The following PTK2B variants were observed in gnomAD, a reference collection of about 807,000 sequenced individuals.
PTK2B encodes protein tyrosine kinase 2 beta.
Under a neutral mutation model 142.9 loss-of-function variants are expected in PTK2B, and 71 were observed. The observed-to-expected ratio is 0.50, with a 90% CI of 0.41 to 0.61. PTK2B has a LOEUF of 0.61. Among genes scored for constraint, PTK2B ranks in the 20% least tolerant of loss-of-function variants. PTK2B has a pLI of 0.00. For missense variants in PTK2B, 1,105 were observed against 1,320.4 expected (o/e 0.84, Z 2.53); for synonymous variants, 519 against 503.4 (o/e 1.03, Z -0.42).
At chr8:27,397,871 G>A (rs1285586732) in intron 2 of PTK2B, 83 bp downstream of exon 2, 2 of 855,674 alleles carry the variant, frequency 2.3e-6, no homozygotes, top group African/African-American at 1.9e-5. Context: ...CTGCAGCCTC[G>A]CAGCTCTCCC....
intron 1 of PTK2B, among the ~76,000 whole-genome samples, chr8:27,339,576 G>C (rs1804270974): frequency 6.6e-6 from 1 of 152,248 alleles, no homozygotes; most frequent in South Asian, 2.1e-4. Context: ...CATGGGCACA[G>C]AGACATGGGC....
intron 21 of PTK2B, among the ~76,000 whole-genome samples, chr8:27,440,782 C>T (rs908432083): frequency 6.6e-6 from 1 of 152,210 alleles, no homozygotes; most frequent in African/African-American, 2.4e-5. Flanking sequence ...GCTTTCCTCT[C>T]GCCTTGTCTC....
chr8:27,310,689 C>T (rs1038656423), upstream of PTK2B: 2 of 1,258,358 alleles, frequency 1.6e-6, no homozygotes, highest in Non-Finnish European at 2.2e-6. Context: ...ATGCTGGGAG[C>T]GAGACGCGGG....
At chr8:27,453,031 G>A (rs914991915) in intron 27 of PTK2B, 83 bp from the exon 28 acceptor site, 207 of 1,505,472 alleles carry the variant, frequency 1.4e-4, no homozygotes, top group Non-Finnish European at 1.8e-4. Flanking sequence ...AGAGGGGAAG[G>A]GGCTCATTTG....
intron 1 of PTK2B, among the ~76,000 whole-genome samples, chr8:27,351,048 T>C (rs1805063959): frequency 8.7e-6 from 1 of 114,776 alleles, no homozygotes; most frequent in Non-Finnish European, 1.7e-5. Context: ...TATACGTGCT[T>C]GGAGCAGGCA....
Position 27,443,048 on chromosome 8 carries a change from A to G in PTK2B, c.2148+65A>G, listed in dbSNP as rs140985153. The stretch of plus-strand genomic sequence containing the variant: ...GCAAAGCCAGGTCCCTGTCTGATCC[A>G]TGTCCCCCTTACTGCACAGGCAGGA... On this transcript the variant is annotated intron_variant, in intron 22 of 30. Transcript: ENST00000346049. 1.7e-4 allele frequency: 208 copies of G among 1,207,964 alleles called. 1 individual carries two copies. In the East Asian group the frequency reaches 2.1e-3, roughly 12 times the overall value. The allele number at this position is 1,207,964 out of a possible 1,614,324, so 74.8% of individuals were successfully genotyped here.
At chr8:27,429,535 CTT>C (rs1810280194) in intron 5 of PTK2B, among the ~76,000 whole-genome samples, 1 of 152,160 alleles carries the variant, frequency 6.6e-6, no homozygotes, top group South Asian at 2.1e-4. Flanking sequence ...GGAAATGAGA[CTT>C]AAATAATATG....
chr8:27,427,894 A>G (rs570761761), intron 5 of PTK2B, among the ~76,000 whole-genome samples: 3 of 152,064 alleles, frequency 2.0e-5, no homozygotes, highest in Admixed American at 6.5e-5. Flanking sequence ...GTGGAAGACA[A>G]TTTTTCCATG....
intron 2 of PTK2B, among the ~76,000 whole-genome samples, chr8:27,417,941 G>T (rs539234848): frequency 6.6e-6 from 1 of 152,250 alleles, no homozygotes; most frequent in African/African-American, 2.4e-5. Flanking sequence ...GACAGAGCAG[G>T]GCAGAAGGTC....
chr8:27,437,514 G>A lies in PTK2B; in HGVS notation c.1527+18G>A. On this transcript the variant is annotated intron_variant, in intron 17 of 30. Transcript: ENST00000346049. Reference sequence around the variant, plus strand: ...ATGGGGAGGTGAGCTGGAGGACCCTGCGATGACAACTGGGCTGCAGCATGG... The same window carrying A: ...ATGGGGAGGTGAGCTGGAGGACCCTACGATGACAACTGGGCTGCAGCATGG... 1 of 1,572,814 alleles carries A rather than the reference G, an allele frequency of 6.4e-7. No homozygotes were observed. Among genetic ancestry groups the A allele is most frequent in the Non-Finnish European group, 8.7e-7 (1 of 1,152,788 alleles).
At chr8:27,402,734 C>T (rs1200473833) in intron 2 of PTK2B, among the ~76,000 whole-genome samples, 2 of 152,204 alleles carry the variant, frequency 1.3e-5, no homozygotes, top group Non-Finnish European at 2.9e-5. Flanking sequence ...AGCATATGCT[C>T]CTACAGGAAA....
At chr8:27,354,882 G>A (rs913002856) in intron 1 of PTK2B, among the ~76,000 whole-genome samples, 5 of 152,066 alleles carry the variant, frequency 3.3e-5, no homozygotes, top group African/African-American at 4.8e-5. Context: ...ATGGTCTTCC[G>A]ACGGAATCAT....
In PTK2B at chr8:27,430,052, C is replaced by T. The variant is rs764568535; in HGVS notation, c.552-41C>T. ...GTGCCCTGGGTCTGACTGCCTCATT[C>T]TCCAGCCTTCAGCCTCCCTCTCCAC... On this transcript the variant is annotated intron_variant, in intron 5 of 30. Coordinates refer to ENST00000346049, the MANE Select transcript of PTK2B (RefSeq NM_173176.3). 1.1e-5 allele frequency: 17 copies of T among 1,579,130 alleles called. No homozygotes were observed. The East Asian group carries it at 3.1e-4, about 29-fold the overall frequency.
intron 5 of PTK2B, among the ~76,000 whole-genome samples, chr8:27,427,457 CAG>C (rs1810153933): frequency 6.6e-6 from 1 of 152,222 alleles, no homozygotes; most frequent in African/African-American, 2.4e-5. Flanking sequence ...CCTGGCACAT[CAG>C]AGCTCAATAC....
intron 21 of PTK2B, among the ~76,000 whole-genome samples, chr8:27,441,716 G>C (rs1418980731): frequency 6.6e-6 from 1 of 152,200 alleles, no homozygotes; most frequent in Non-Finnish European, 1.5e-5. Flanking sequence ...CTCCTGTGTT[G>C]GTCCCTTGTA....
At chr8:27,336,151 G>C (rs1049133026) in intron 1 of PTK2B, among the ~76,000 whole-genome samples, 2 of 152,138 alleles carry the variant, frequency 1.3e-5, no homozygotes, top group Non-Finnish European at 2.9e-5. Flanking sequence ...TGTGAGTGGC[G>C]GGAGGGGCTG....
At chr8:27,437,272 T>C (rs1586323965) in intron 16 of PTK2B, 66 bp downstream of exon 16, 1 of 1,562,610 alleles carries the variant, frequency 6.4e-7, no homozygotes, top group South Asian at 1.1e-5. Context: ...AAGAGAGGGG[T>C]GAACAGTGCA....
At chr8:27,419,547 C>A (rs558479052) in intron 2 of PTK2B, among the ~76,000 whole-genome samples, 1 of 152,340 alleles carries the variant, frequency 6.6e-6, no homozygotes, top group Admixed American at 6.5e-5. Flanking sequence ...AAATTGCAAA[C>A]CACTCAGAAG....
intron 24 of PTK2B, among the ~76,000 whole-genome samples, chr8:27,449,671 G>C (rs1257912208): frequency 6.6e-6 from 1 of 152,204 alleles, no homozygotes; most frequent in Admixed American, 6.5e-5. Context: ...TCCTCCATCT[G>C]TCCAGGAGGC....
Sources: allele counts gnomAD v4.1 joint callset (sites outside exome capture counted in the v4.1 genomes callset), GRCh38; gene constraint gnomAD v4.1.1; transcripts MANE v1.5; gene names NCBI Gene and HGNC (gene_info 2026-07-23, HGNC 2026-07-21).